Variants in DENND5A observed in about 807,000 individuals in gnomAD.
The protein encoded by DENND5A is DENN domain-containing protein 5A.
Under a neutral mutation model 140.3 loss-of-function variants are expected in DENND5A, and 64 were observed. The observed-to-expected ratio is 0.46, with a 90% CI of 0.37 to 0.56. The LOEUF (loss-of-function observed/expected upper bound fraction) is 0.56, where lower values mean the gene tolerates loss of function less well. Among genes scored for constraint, DENND5A ranks in the 20% least tolerant of loss-of-function variants. DENND5A has a pLI of 0.00. For synonymous variants in DENND5A, 605 were observed against 607.7 expected, an observed-to-expected ratio of 1.00 and a Z score of 0.07; for missense variants, 1,292 against 1,593.8, an observed-to-expected ratio of 0.81 and a Z score of 3.22.
chr11:9,199,184 G>C (rs183893067), intron 4 of DENND5A, among the ~76,000 whole-genome samples: 5 of 151,124 alleles, frequency 3.3e-5, no homozygotes, highest in Non-Finnish European at 5.9e-5. Context: ...TTCAGATAAA[G>C]AGCTTCTGTT....
intron 11 of DENND5A, among the ~76,000 whole-genome samples, chr11:9,161,929 T>TTATA (rs376177231): frequency 2.4e-4 from 35 of 148,644 alleles, no homozygotes; most frequent in Non-Finnish European, 3.4e-4. Flanking sequence ...CTCTATTAAA[T>TTATA]TATATATATA....
chr11:9,239,725 G>A (rs1025144800), intron 1 of DENND5A, among the ~76,000 whole-genome samples: 4 of 152,080 alleles, frequency 2.6e-5, no homozygotes, highest in African/African-American at 9.7e-5. Flanking sequence ...GCCTCCCAAA[G>A]TGCTGGGATT....
intron 1 of DENND5A, among the ~76,000 whole-genome samples, chr11:9,246,400 C>T (rs916491689): frequency 4.6e-5 from 7 of 151,966 alleles, no homozygotes; most frequent in African/African-American, 1.5e-4. Context: ...ATCATGAGGT[C>T]AGGAGATTGA....
chr11:9,260,727 G>A (rs1007945294), intron 1 of DENND5A, among the ~76,000 whole-genome samples: 1 of 152,140 alleles, frequency 6.6e-6, no homozygotes, highest in African/African-American at 2.4e-5. Flanking sequence ...TTGCCTAAAT[G>A]CTGAGTCTGC....
In DENND5A at chr11:9,139,571, G is replaced by T; in HGVS notation, c.*100C>A. On this transcript the variant is annotated 3_prime_UTR_variant, in exon 23 of 23. Coordinates refer to ENST00000328194, the MANE Select transcript of DENND5A (RefSeq NM_015213.4). ...TCTTTTTACAGTGAGTGTACATTTT[G>T]TCTCCTACTCCTGCACAATCGCTTA... 1 of 1,052,962 alleles carries T rather than the reference G, an allele frequency of 9.5e-7. No homozygotes were observed. The allele number at this position is 1,052,962 out of a possible 1,614,324, so 65.2% of individuals were successfully genotyped here.
chr11:9,231,534 A>C (rs1322958637), intron 1 of DENND5A, among the ~76,000 whole-genome samples: 4 of 152,026 alleles, frequency 2.6e-5, no homozygotes, highest in Non-Finnish European at 4.4e-5. Context: ...TGACCAACAT[A>C]GAGAAACTCC....
chr11:9,172,462 T>G (rs1158967652), intron 8 of DENND5A, among the ~76,000 whole-genome samples: 1 of 152,176 alleles, frequency 6.6e-6, no homozygotes, highest in Non-Finnish European at 1.5e-5. Flanking sequence ...CACCCAAATC[T>G]CAACTTGAAC....
rs544346469 is a variant in DENND5A, at chr11:9,169,698, G to A, written c.2151+158C>T. 4.6e-5 allele frequency among the ~76,000 whole-genome samples: 7 copies of A among 152,194 alleles called. No individual in the cohort carries two copies. In the South Asian group the frequency reaches 8.3e-4, roughly 18 times the overall value. On this transcript the variant is annotated intron_variant, in intron 10 of 22. Transcript: ENST00000328194. ...TCTGATTTGTGATAACCCAGGCCCAGCATTAGATATCAGGAACTAGACCTA... is the reference window on the plus strand; with the variant it reads ...TCTGATTTGTGATAACCCAGGCCCAACATTAGATATCAGGAACTAGACCTA...
At chr11:9,142,868 G>C (rs1042563836) in intron 20 of DENND5A, 23 bp from the exon 21 acceptor site, 2 of 1,612,444 alleles carry the variant, frequency 1.2e-6, no homozygotes, top group Non-Finnish European at 8.5e-7. Flanking sequence ...ACAGGGGAGG[G>C]TGCCAGGCTT....
intron 5 of DENND5A, among the ~76,000 whole-genome samples, chr11:9,182,781 A>G (rs1244778675): frequency 6.6e-6 from 1 of 152,200 alleles, no homozygotes; most frequent in East Asian, 1.9e-4. Flanking sequence ...GGAGGAATAG[A>G]AAGAGACTGA....
At chr11:9,144,324 C>A in intron 18 of DENND5A, 46 bp from the exon 19 acceptor site, 3 of 1,596,468 alleles carry the variant, frequency 1.9e-6, no homozygotes, top group Non-Finnish European at 2.6e-6. Flanking sequence ...CTCCTCCCTG[C>A]TGCTCACAGG....
chr11:9,170,318 T>C (rs1222833276), intron 9 of DENND5A: 2 of 980,094 alleles, frequency 2.0e-6, no homozygotes, highest in African/African-American at 3.5e-5. Context: ...CAACTGCCAT[T>C]TATTAAATAC....
intron 2 of DENND5A, chr11:9,207,338 T>C: frequency 1.9e-6 from 1 of 527,582 alleles, no homozygotes; most frequent in Non-Finnish European, 3.3e-6. Flanking sequence ...GTTTTCCCAT[T>C]CCCCCTCCTA....
Position 9,165,914 on chromosome 11 carries a change from C to G in DENND5A, c.2205G>C (p.Leu735=), listed in dbSNP as rs772162944. Reference sequence around the variant, plus strand: ...CAATCACTGATGGAGAGAGGTTGGACAGTTTGGGCTGGCGGATAGTGCTGC... The same window carrying G: ...CAATCACTGATGGAGAGAGGTTGGAGAGTTTGGGCTGGCGGATAGTGCTGC... The part of the protein sequence containing the change: ...TMGSTIRQPK[L]SNLSPSVIAQ... Residue 735 remains leucine (L), a synonymous_variant, in exon 11 of 23, where the codon CTG becomes CTC. Coordinates refer to ENST00000328194, the MANE Select transcript of DENND5A (RefSeq NM_015213.4). 4 of 1,614,004 alleles carry G rather than the reference C, an allele frequency of 2.5e-6. No individual in the cohort carries two copies. The highest frequency in any genetic ancestry group is 1.7e-5 in the Admixed American group (1 of 59,998).
intron 1 of DENND5A, among the ~76,000 whole-genome samples, chr11:9,245,088 T>C (rs1049005754): frequency 6.6e-6 from 1 of 150,992 alleles, no homozygotes; most frequent in African/African-American, 2.4e-5. Context: ...ACCAATACCA[T>C]CTTGGCCAAC....
chr11:9,244,967 G>C (rs1187303423), intron 1 of DENND5A, among the ~76,000 whole-genome samples: 1 of 148,958 alleles, frequency 6.7e-6, no homozygotes, highest in Non-Finnish European at 1.5e-5. Flanking sequence ...GTGAGCCACC[G>C]TGCTTGGCTC....
chr11:9,242,460 CACTT>C (rs1242266244), intron 1 of DENND5A: 2 of 152,208 alleles, frequency 1.3e-5, no homozygotes, highest in African/African-American at 4.8e-5. Context: ...GTGACTGTCT[CACTT>C]ACACATCTTT....
At chr11:9,253,933 G>A (rs554639156) in intron 1 of DENND5A, among the ~76,000 whole-genome samples, 15 of 151,916 alleles carry the variant, frequency 9.9e-5, no homozygotes, top group Middle Eastern at 3.4e-3. Flanking sequence ...CGAGACGGGC[G>A]GATCATCTGA....
chr11:9,174,516 C>CTTT (rs575928246), intron 8 of DENND5A, among the ~76,000 whole-genome samples: 62 of 133,762 alleles, frequency 4.6e-4, no homozygotes, highest in Non-Finnish European at 6.7e-4. Flanking sequence ...AAGGTTATTT[C>CTTT]TTTTTTTTTT....
Sources: allele counts gnomAD v4.1 joint callset (sites outside exome capture counted in the v4.1 genomes callset), GRCh38; gene constraint gnomAD v4.1.1; transcripts MANE v1.5; gene names NCBI Gene and HGNC (gene_info 2026-07-23, HGNC 2026-07-21).